The following CTNND2 variants were observed in gnomAD, a reference collection of about 807,000 sequenced individuals.
CTNND2 encodes catenin delta 2.
CTNND2 carries 22 observed loss-of-function variants against 144.4 expected under a neutral mutation model. The ratio of observed to expected loss-of-function variants is 0.15; its 90% CI spans 0.11 to 0.22. The LOEUF is 0.22. CTNND2 is among the 10% of genes least tolerant of loss of function. The pLI is 1.00. For missense variants in CTNND2, 1,353 were observed against 1,618.8 expected, an observed-to-expected ratio of 0.84 and a Z score of 2.82; for synonymous variants, 751 against 695.6, an observed-to-expected ratio of 1.08 and a Z score of -1.25.
At chr5:11,430,315 A>C (rs1763175958) in intron 3 of CTNND2, among the ~76,000 whole-genome samples, 1 of 150,494 alleles carries the variant, frequency 6.6e-6, no homozygotes, top group Admixed American at 6.6e-5. Flanking sequence ...AGTATAAAAA[A>C]CATAGAAAGG....
At chr5:11,735,500 T>G (rs1273798017) in intron 1 of CTNND2, among the ~76,000 whole-genome samples, 1 of 152,156 alleles carries the variant, frequency 6.6e-6, no homozygotes, top group African/African-American at 2.4e-5. Flanking sequence ...TCCATGTCCA[T>G]GGGTTCACAG....
At chr5:11,654,056 G>A (rs1782790417) in intron 2 of CTNND2, among the ~76,000 whole-genome samples, 1 of 151,890 alleles carries the variant, frequency 6.6e-6, no homozygotes, top group Non-Finnish European at 1.5e-5. Context: ...CCGTATGTAG[G>A]TGAGTTTATT....
At chr5:11,610,409 T>C (rs115165957) in intron 2 of CTNND2, among the ~76,000 whole-genome samples, 1,743 of 152,302 alleles carry the variant, frequency 0.011, 28 homozygotes, top group African/African-American at 0.041. Context: ...CTGTAAGGCA[T>C]GCAATTCACA....
chr5:11,656,055 C>A lies in CTNND2; in HGVS notation c.174+76081G>T, dbSNP rs1782897986. Among the ~76,000 whole-genome samples the A allele has an allele frequency of 2.6e-5, 4 of 152,076 alleles. No individual in the cohort carries two copies. The South Asian group carries it at 8.3e-4, about 32-fold the overall frequency. Reference sequence around the variant, plus strand: ...TAAAGTAGCTCTGAATATTTCCATTCCAAATCTGTTTCAGGATTTTAGAAT... The same window carrying A: ...TAAAGTAGCTCTGAATATTTCCATTACAAATCTGTTTCAGGATTTTAGAAT... On this transcript the variant is annotated intron_variant, in intron 2 of 21. Transcript: ENST00000304623.
chr5:11,300,588 A>G (rs1247384404), intron 9 of CTNND2, among the ~76,000 whole-genome samples: 1 of 151,730 alleles, frequency 6.6e-6, no homozygotes, highest in Non-Finnish European at 1.5e-5. Flanking sequence ...CAAGTAATAC[A>G]GGACACCCAG....
intron 2 of CTNND2, among the ~76,000 whole-genome samples, chr5:11,590,731 T>C (rs969741470): frequency 3.3e-5 from 5 of 152,078 alleles, no homozygotes; most frequent in African/African-American, 1.2e-4. Context: ...CTCCCCGCTC[T>C]TGAGAATGTA....
At chr5:11,434,413 T>C (rs1265465949) in intron 3 of CTNND2, among the ~76,000 whole-genome samples, 3 of 152,214 alleles carry the variant, frequency 2.0e-5, no homozygotes, top group Non-Finnish European at 2.9e-5. Flanking sequence ...GACAGAGGTT[T>C]AGGTTACACA....
rs755324887 is a variant in CTNND2 at position 11,382,595 on chromosome 5, C to CTGTGTATATA, written c.1177+2069_1177+2070insTATATACACA. On this transcript the variant is annotated intron_variant, in intron 7 of 21. Transcript: ENST00000304623. The stretch of plus-strand genomic sequence containing the variant: ...CCTGGGCAACCGACAGAGTGAGACT[C>CTGTGTATATA]TGTGTGTGTGTGTGTGTGTGTGTGT... 6.1e-5 allele frequency among the ~76,000 whole-genome samples: 8 copies of CTGTGTATATA among 130,234 alleles called. No individual in the cohort carries two copies. In the East Asian group the frequency reaches 1.5e-3, roughly 25 times the overall value. The allele number at this position is 130,234 out of a possible 152,430, so 85.4% of individuals were successfully genotyped here.
intron 2 of CTNND2, among the ~76,000 whole-genome samples, chr5:11,580,120 C>T (rs1302726157): frequency 6.9e-6 from 1 of 144,130 alleles, no homozygotes; most frequent in Non-Finnish European, 1.5e-5. Context: ...AAACTTAGGC[C>T]ATTTTTTTTT....
At chr5:11,778,826 G>T (rs567396951) in intron 1 of CTNND2, among the ~76,000 whole-genome samples, 1 of 152,290 alleles carries the variant, frequency 6.6e-6, no homozygotes, top group South Asian at 2.1e-4. Flanking sequence ...TGTACCATGC[G>T]AATGCAAAAC....
At chr5:11,271,376 A>C (rs1745993461) in intron 9 of CTNND2, among the ~76,000 whole-genome samples, 1 of 152,224 alleles carries the variant, frequency 6.6e-6, no homozygotes, top group African/African-American at 2.4e-5. Context: ...CAATATTAAC[A>C]GTTTGGCAAT....
chr5:11,364,475 C>T (rs935776221), intron 8 of CTNND2: 26 of 416,168 alleles, frequency 6.2e-5, no homozygotes, highest in Non-Finnish European at 9.6e-5. Context: ...AGCTTACAAT[C>T]GCCATTTGCT....
At chr5:11,462,549 T>A (rs1288730764) in intron 3 of CTNND2, among the ~76,000 whole-genome samples, 2 of 116,030 alleles carry the variant, frequency 1.7e-5, no homozygotes, top group African/African-American at 8.2e-5. Context: ...AAAGATTCTA[T>A]TTTTTTTTTC....
intron 2 of CTNND2, among the ~76,000 whole-genome samples, chr5:11,725,604 G>A (rs1472305596): frequency 2.0e-5 from 3 of 152,010 alleles, no homozygotes; most frequent in Non-Finnish European, 4.4e-5. Flanking sequence ...TAGTGTAGTG[G>A]GGGGGAAAAG....
At chr5:11,577,197 A>C (rs1248598679) in intron 2 of CTNND2, among the ~76,000 whole-genome samples, 1 of 152,236 alleles carries the variant, frequency 6.6e-6, no homozygotes, top group Non-Finnish European at 1.5e-5. Flanking sequence ...ATTAGGTATC[A>C]AATCAACATT....
chr5:11,123,518 C>T (rs1025879331), intron 12 of CTNND2, among the ~76,000 whole-genome samples: 16 of 152,208 alleles, frequency 1.1e-4, no homozygotes, highest in Non-Finnish European at 1.3e-4. Context: ...CCAACTGTTT[C>T]GAGGCTGAGA....
rs546700499 is a variant in CTNND2, at chr5:11,396,500, C to G, written c.612+531G>C. Reference sequence around the variant, plus strand: ...CCTGCCTTAAAGAAACAATGGAGGGCAAATTTCAAAATCAGACTTCACAAA... The same window carrying G: ...CCTGCCTTAAAGAAACAATGGAGGGGAAATTTCAAAATCAGACTTCACAAA... On this transcript the variant is annotated intron_variant, in intron 6 of 21. Transcript: ENST00000304623. 8.3e-4 allele frequency among the ~76,000 whole-genome samples: 126 copies of G among 152,276 alleles called. 1 individual carries two copies. The highest frequency in any genetic ancestry group is 2.7e-3 in the Admixed American group (41 of 15,296).
chr5:11,349,588 T>C (rs1300368173), intron 8 of CTNND2, among the ~76,000 whole-genome samples: 1 of 152,106 alleles, frequency 6.6e-6, no homozygotes, highest in Non-Finnish European at 1.5e-5. Context: ...CCTAATACGG[T>C]CAGAAAACTT....
intron 2 of CTNND2, among the ~76,000 whole-genome samples, chr5:11,691,929 T>C (rs546606918): frequency 1.3e-4 from 20 of 152,342 alleles, no homozygotes; most frequent in Admixed American, 1.2e-3. Flanking sequence ...TTCTCAATTA[T>C]GTAACTATAT....
Sources: allele counts gnomAD v4.1 joint callset (sites outside exome capture counted in the v4.1 genomes callset), GRCh38; gene constraint gnomAD v4.1.1; transcripts MANE v1.5; gene names NCBI Gene and HGNC (gene_info 2026-07-23, HGNC 2026-07-21).